CACNA2D2: variants seen among roughly 807,000 people sequenced by gnomAD.
CACNA2D2 encodes voltage-dependent calcium channel subunit alpha-2/delta-2.
In CACNA2D2, 48 loss-of-function variants were observed where a neutral mutation model predicts 166.4. The observed-to-expected ratio is 0.29, with a 90% CI of 0.23 to 0.37. The LOEUF (loss-of-function observed/expected upper bound fraction) is 0.37. CACNA2D2 is among the 10% of genes least tolerant of loss of function. CACNA2D2 has a pLI of 1.00. For missense variants in CACNA2D2, 1,122 were observed against 1,433.0 expected (o/e 0.78, Z 3.50); for synonymous variants, 561 against 573.7 (o/e 0.98, Z 0.32).
chr3:50,408,079 C>T (rs1473925677), intron 3 of CACNA2D2, among the ~76,000 whole-genome samples: 1 of 152,198 alleles, frequency 6.6e-6, no homozygotes, highest in Non-Finnish European at 1.5e-5. Context: ...CCCCAAGAAG[C>T]CCAATCATTA....
intron 1 of CACNA2D2, among the ~76,000 whole-genome samples, chr3:50,488,855 A>G (rs1698404546): frequency 6.6e-6 from 1 of 151,264 alleles, no homozygotes; most frequent in Admixed American, 6.6e-5. Context: ...GCCCACCACC[A>G]CACCTGGCTA....
intron 2 of CACNA2D2, among the ~76,000 whole-genome samples, chr3:50,444,523 T>C (rs1047926808): frequency 1.6e-4 from 24 of 152,202 alleles, no homozygotes; most frequent in Admixed American, 1.6e-3. Context: ...TGGCTTTTCA[T>C]GGGACCGCCT....
chr3:50,488,867 T>A (rs1698405317), intron 1 of CACNA2D2, among the ~76,000 whole-genome samples: 1 of 151,872 alleles, frequency 6.6e-6, no homozygotes, highest in Non-Finnish European at 1.5e-5. Flanking sequence ...ACCTGGCTAA[T>A]TTTTTTGTAT....
rs1559888187 is a variant in CACNA2D2 at position 50,377,804 on chromosome 3, C to T, written c.1480-1G>A. The stretch of plus-strand genomic sequence containing the variant: ...TCCCTGTTACCACCAACCCCAGTCC[C>T]TGAAGGGAGAGGAAGATGATGGAGT... On this transcript the variant is annotated splice_acceptor_variant, in intron 15 of 37. Coordinates refer to ENST00000424201, the MANE Select transcript of CACNA2D2 (RefSeq NM_006030.4). LOFTEE classifies it high-confidence loss of function. 6.2e-7 allele frequency: 1 copy of T among 1,612,644 alleles called. No homozygotes were observed. Among genetic ancestry groups the T allele is most frequent in the South Asian group, 1.1e-5 (1 of 90,924 alleles).
At chr3:50,405,215 G>A (rs556622872) in intron 3 of CACNA2D2, among the ~76,000 whole-genome samples, 3 of 152,322 alleles carry the variant, frequency 2.0e-5, no homozygotes, top group South Asian at 4.1e-4. Flanking sequence ...AAATGTGCCC[G>A]ATGGGGCACT....
At position 50,381,116 on chromosome 3, in the gene CACNA2D2, G is replaced by T. The variant is rs56287038; in HGVS notation, c.663C>A (p.Ile221=). 67,660 of 1,611,958 alleles carry T rather than the reference G, an allele frequency of 0.042. 4,649 individuals are homozygous for T. Among genetic ancestry groups the T allele is most frequent in the African/African-American group, 0.31 (22,975 of 74,784 alleles). ...PTDIYKGSTV[I]LNELNWTEAL... The stretch of plus-strand genomic sequence containing the variant: ...CCTCTGTCCAGTTGAGCTCATTGAG[G>T]ATGACAGTGGCTGGGGGGAAGCGGG... The change falls in exon 7 of 38, where the codon ATC becomes ATA. Residue 221 remains isoleucine (I), a synonymous_variant. Coordinates refer to ENST00000424201, the MANE Select transcript of CACNA2D2 (RefSeq NM_006030.4).
At chr3:50,383,476 A>G (rs1216161743) in intron 6 of CACNA2D2, among the ~76,000 whole-genome samples, 1 of 152,150 alleles carries the variant, frequency 6.6e-6, no homozygotes, top group Non-Finnish European at 1.5e-5. Flanking sequence ...CTCCCCATCC[A>G]GTGTTTGACT....
At chr3:50,483,359 G>A (rs142352113) in intron 1 of CACNA2D2, among the ~76,000 whole-genome samples, 1 of 152,320 alleles carries the variant, frequency 6.6e-6, no homozygotes, top group African/African-American at 2.4e-5. Flanking sequence ...AAGCATGAAT[G>A]GGTCCAAAGC....
In CACNA2D2 at chr3:50,488,942, C is replaced by T. The variant is rs556669560; in HGVS notation, c.207-12743G>A. On this transcript the variant is annotated intron_variant, in intron 1 of 37. Transcript: ENST00000424201. ...GTCTCGATCTCCTGACCTTGTGATC[C>T]GCCCACCTCAGCCTCCCAAAGTGCT... 5.3e-5 allele frequency among the ~76,000 whole-genome samples: 8 copies of T among 152,216 alleles called. No individual in the cohort carries two copies. The South Asian group carries it at 8.3e-4, about 16-fold the overall frequency.
intron 3 of CACNA2D2, among the ~76,000 whole-genome samples, chr3:50,426,643 T>C (rs561746885): frequency 6.6e-6 from 1 of 152,230 alleles, no homozygotes; most frequent in African/African-American, 2.4e-5. Flanking sequence ...TAGACCCTTA[T>C]TTTGACTAGT....
At chr3:50,404,515 G>T (rs931036251) in intron 3 of CACNA2D2, among the ~76,000 whole-genome samples, 1 of 152,152 alleles carries the variant, frequency 6.6e-6, no homozygotes, top group African/African-American at 2.4e-5. Context: ...CAGCACCCCT[G>T]CCCTGGTGCC....
chr3:50,373,518 A>C, intron 22 of CACNA2D2, among the ~76,000 whole-genome samples: 1 of 16,964 alleles, frequency 5.9e-5, no homozygotes, highest in Admixed American at 8.3e-4. Flanking sequence ...GAAAGCAGGG[A>C]GGGGGAGGGA....
intron 2 of CACNA2D2, among the ~76,000 whole-genome samples, chr3:50,468,150 G>C (rs1375105868): frequency 6.6e-6 from 1 of 152,152 alleles, no homozygotes; most frequent in Non-Finnish European, 1.5e-5. Flanking sequence ...TCAGCCCTCT[G>C]TCCCCAAGCC....
chr3:50,369,631 T>C lies in CACNA2D2; in HGVS notation c.2045+689A>G, dbSNP rs587750372. ...CACCCACCTGCCCTCATCCCAAGCC[T>C]GGGTCATGGAAGGGCTTCAGCACCC... On this transcript the variant is annotated intron_variant, in intron 23 of 37. Coordinates refer to ENST00000424201, the MANE Select transcript of CACNA2D2 (RefSeq NM_006030.4). 5.3e-5 allele frequency among the ~76,000 whole-genome samples: 8 copies of C among 152,338 alleles called. No homozygotes were observed. In the East Asian group the frequency reaches 1.3e-3, roughly 26 times the overall value.
At chr3:50,484,457 G>A (rs114001200) in intron 1 of CACNA2D2, among the ~76,000 whole-genome samples, 25 of 152,208 alleles carry the variant, frequency 1.6e-4, no homozygotes, top group African/African-American at 5.5e-4. Flanking sequence ...CCCAGTGGCC[G>A]CACCCCCAGT....
intron 2 of CACNA2D2, among the ~76,000 whole-genome samples, chr3:50,443,108 G>A (rs1708679199): frequency 6.6e-6 from 1 of 152,248 alleles, no homozygotes; most frequent in Admixed American, 6.5e-5. Context: ...TGGGAGGGAA[G>A]CTGTGCCCAG....
intron 2 of CACNA2D2, among the ~76,000 whole-genome samples, chr3:50,475,427 C>T (rs1039898679): frequency 2.0e-5 from 3 of 152,126 alleles, no homozygotes; most frequent in Admixed American, 2.0e-4. Context: ...CTGCACGTAC[C>T]CCGAGAGTCG....
At chr3:50,400,736 A>AC (rs1480873781) in intron 3 of CACNA2D2, among the ~76,000 whole-genome samples, 1 of 152,164 alleles carries the variant, frequency 6.6e-6, no homozygotes, top group Non-Finnish European at 1.5e-5. Flanking sequence ...ACCCAGCCTT[A>AC]CCCGTCCCTC....
At chr3:50,370,719 T>C (rs1256955461) in intron 22 of CACNA2D2, among the ~76,000 whole-genome samples, 3 of 151,810 alleles carry the variant, frequency 2.0e-5, no homozygotes, top group Admixed American at 6.6e-5. Context: ...CACACACACA[T>C]ATATATACAC....
Sources: allele counts gnomAD v4.1 joint callset (sites outside exome capture counted in the v4.1 genomes callset), GRCh38; gene constraint gnomAD v4.1.1; transcripts MANE v1.5; gene names NCBI Gene and HGNC (gene_info 2026-07-23, HGNC 2026-07-21).